SLCO1B1: variants seen among roughly 807,000 people sequenced by gnomAD.
SLCO1B1 encodes solute carrier organic anion transporter family member 1B1.
In SLCO1B1, 81 loss-of-function variants were observed where a neutral mutation model predicts 70.1. The ratio of observed to expected loss-of-function variants is 1.16; its 90% CI spans 0.97 to 1.39. SLCO1B1 has a LOEUF of 1.39. Among genes scored for constraint, SLCO1B1 ranks in the 40% most tolerant of loss-of-function variants. The probability of loss-of-function intolerance (pLI) is 0.00; values close to 1 mark genes in which losing one functional copy is unlikely to be tolerated. For missense variants in SLCO1B1, 895 were observed against 799.6 expected (o/e 1.12, Z -1.44); for synonymous variants, 283 against 271.5 (o/e 1.04, Z -0.42).
chr12:21,224,748 G>A lies in SLCO1B1; in HGVS notation c.1774G>A (p.Gly592Arg). 1 of 1,610,634 alleles carries A rather than the reference G, an allele frequency of 6.2e-7. No homozygotes were observed. The highest frequency in any genetic ancestry group is 8.5e-7 in the Non-Finnish European group (1 of 1,177,770). ...LGGILAPIYF[G>R]ALIDTTCIKW... Reference sequence around the variant, plus strand: ...AGGAATTCTAGCTCCAATATATTTTGGGGCTCTGATTGATACAACGTGTAT... The same window carrying A: ...AGGAATTCTAGCTCCAATATATTTTAGGGCTCTGATTGATACAACGTGTAT... Residue 592 changes from glycine to arginine, a missense_variant, in exon 14 of 15, where the codon GGG (glycine) becomes AGG (arginine). Gly to Arg is a moderately radical substitution (Grantham distance 125). Coordinates refer to ENST00000256958, the MANE Select transcript of SLCO1B1 (RefSeq NM_006446.5).
chr12:21,136,023 A>T (rs1264578363), intron 1 of SLCO1B1, among the ~76,000 whole-genome samples: 2 of 152,130 alleles, frequency 1.3e-5, no homozygotes, highest in Admixed American at 6.5e-5. Context: ...CTTTTAGGGC[A>T]GGCCTGGTGG....
chr12:21,231,057 G>A (rs1941531533), intron 14 of SLCO1B1, among the ~76,000 whole-genome samples: 1 of 144,328 alleles, frequency 6.9e-6, no homozygotes, highest in Non-Finnish European at 1.5e-5. Context: ...CCACCTATGA[G>A]TGAAAACATG....
intron 1 of SLCO1B1, among the ~76,000 whole-genome samples, chr12:21,137,694 G>A (rs1266178283): frequency 5.3e-5 from 8 of 152,196 alleles, no homozygotes; most frequent in African/African-American, 1.4e-4. Flanking sequence ...GAAAAGCACA[G>A]TATTAGGGTG....
intron 14 of SLCO1B1, among the ~76,000 whole-genome samples, chr12:21,233,383 A>G (rs1192769787): frequency 6.6e-6 from 1 of 152,156 alleles, no homozygotes; most frequent in Admixed American, 6.5e-5. Context: ...AAGGCCTTCC[A>G]AACCACGACT....
chr12:21,204,574 A>G (rs988914117), intron 10 of SLCO1B1, among the ~76,000 whole-genome samples: 10 of 151,824 alleles, frequency 6.6e-5, no homozygotes, highest in African/African-American at 2.4e-4. Context: ...TACAAATGGC[A>G]AAACTGATTT....
rs1164011351 is a variant in SLCO1B1 at position 21,202,610 on chromosome 12, T to G, written c.1255T>G (p.Leu419Val). ...KFSCFTAVMS[L>V]SFYLLYFFIL... Reference sequence around the variant, plus strand: ...CTCATGTTTTACTGCTGTGATGTCATTGTCCTTTTACCTATTATATTTTTT... The same window carrying G: ...CTCATGTTTTACTGCTGTGATGTCAGTGTCCTTTTACCTATTATATTTTTT... Residue 419 changes from leucine (L) to valine (V), a missense_variant, in exon 10 of 15, where the codon TTG becomes GTG. By Grantham distance (32) the Leu-to-Val change is conservative. Transcript: ENST00000256958. 2 of 1,612,972 alleles carry G rather than the reference T, an allele frequency of 1.2e-6. No homozygotes were observed. Among genetic ancestry groups the G allele is most frequent in the South Asian group, 1.1e-5 (1 of 91,058 alleles).
At chr12:21,205,808 C>T in intron 10 of SLCO1B1, 60 bp from the exon 11 acceptor site, 2 of 1,285,098 alleles carry the variant, frequency 1.6e-6, no homozygotes, top group Non-Finnish European at 2.2e-6. Context: ...TTCTCCTCCC[C>T]TTCTTTGTCT....
chr12:21,183,211 T>A (rs897489720), intron 7 of SLCO1B1, among the ~76,000 whole-genome samples: 8 of 150,302 alleles, frequency 5.3e-5, no homozygotes, highest in African/African-American at 2.0e-4. Flanking sequence ...TGCCTATATA[T>A]TTGAGACTGT....
At chr12:21,146,669 T>G (rs1390432468) in intron 2 of SLCO1B1, among the ~76,000 whole-genome samples, 1 of 152,124 alleles carries the variant, frequency 6.6e-6, no homozygotes, top group Non-Finnish European at 1.5e-5. Context: ...GTTTTAAAAT[T>G]TTTCTTCAGA....
intron 5 of SLCO1B1, among the ~76,000 whole-genome samples, chr12:21,177,944 A>G (rs1168220556): frequency 3.3e-5 from 5 of 152,170 alleles, no homozygotes; most frequent in African/African-American, 1.2e-4. Context: ...TAAATATATA[A>G]TGGATATAAT....
intron 1 of SLCO1B1, among the ~76,000 whole-genome samples, chr12:21,132,424 A>G (rs1250909908): frequency 1.3e-5 from 2 of 152,156 alleles, no homozygotes; most frequent in African/African-American, 4.8e-5. Flanking sequence ...GTCTTCCACA[A>G]TGGTTGAACT....
In SLCO1B1 at chr12:21,224,630, T is replaced by C. The variant is rs1012101715; in HGVS notation, c.1748-92T>C. Reference sequence around the variant, plus strand: ...AACGAATCCTCCAAATTTTTGAACTTTTATTTAATCAAAATATATCAATGT... The same window carrying C: ...AACGAATCCTCCAAATTTTTGAACTCTTATTTAATCAAAATATATCAATGT... On this transcript the variant is annotated intron_variant, in intron 13 of 14. Transcript: ENST00000256958. 4.7e-6 allele frequency: 4 copies of C among 848,496 alleles called. No homozygotes were observed. The African/African-American group carries it at 5.1e-5, about 11-fold the overall frequency. 52.6% of individuals were successfully genotyped at this position (848,496 alleles called of 1,614,324 possible).
intron 8 of SLCO1B1, 43 bp downstream of exon 8, chr12:21,197,231 C>G (rs368337794): frequency 3.7e-6 from 6 of 1,604,974 alleles, no homozygotes; most frequent in Non-Finnish European, 5.1e-6. Flanking sequence ...TTGTTAATCT[C>G]AATGAAAAGG....
In SLCO1B1 at chr12:21,181,594, G is replaced by A. The variant is rs77345807; in HGVS notation, c.727+2574G>A. On this transcript the variant is annotated intron_variant, in intron 7 of 14. Coordinates refer to ENST00000256958, the MANE Select transcript of SLCO1B1 (RefSeq NM_006446.5). Reference sequence around the variant, plus strand: ...ATTAGAGTAATGGCACCATTTAATCGTGCCACAAACTTCTGTGGTGTGTGT... The same window carrying A: ...ATTAGAGTAATGGCACCATTTAATCATGCCACAAACTTCTGTGGTGTGTGT... Among the ~76,000 whole-genome samples the A allele has an allele frequency of 7.4e-3, 1,128 of 152,160 alleles. 16 individuals carry two copies. Among genetic ancestry groups the A allele is most frequent in the African/African-American group, 0.025 (1,030 of 41,510 alleles).
chr12:21,216,510 C>G (rs1941359236), intron 11 of SLCO1B1, among the ~76,000 whole-genome samples: 1 of 152,148 alleles, frequency 6.6e-6, no homozygotes, highest in Non-Finnish European at 1.5e-5. Context: ...CACTTCTGTG[C>G]TCTAAACACT....
At chr12:21,227,681 A>G (rs1035070619) in intron 14 of SLCO1B1, among the ~76,000 whole-genome samples, 6 of 152,106 alleles carry the variant, frequency 3.9e-5, no homozygotes, top group Non-Finnish European at 8.8e-5. Flanking sequence ...TGAAATCATC[A>G]TGTATTTCCA....
chr12:21,227,709 C>A (rs1163050665), intron 14 of SLCO1B1, among the ~76,000 whole-genome samples: 1 of 151,984 alleles, frequency 6.6e-6, no homozygotes, highest in Non-Finnish European at 1.5e-5. Context: ...TGGCAAGATG[C>A]TCCTCAGAAT....
At chr12:21,219,270 G>A (rs1249315470) in intron 12 of SLCO1B1, among the ~76,000 whole-genome samples, 1 of 152,174 alleles carries the variant, frequency 6.6e-6, no homozygotes, top group Non-Finnish European at 1.5e-5. Context: ...GAAGTCCTTT[G>A]AGTAAAGACC....
chr12:21,144,773 A>G (rs1238416329), intron 2 of SLCO1B1, among the ~76,000 whole-genome samples: 1 of 152,192 alleles, frequency 6.6e-6, no homozygotes, highest in Non-Finnish European at 1.5e-5. Context: ...CCATCCTTAA[A>G]GAAAAGAAAT....
Sources: gnomAD v4.1 joint callset for allele counts (sites outside exome capture counted in the v4.1 genomes callset) on GRCh38, gnomAD v4.1.1 for gene constraint, MANE v1.5 for transcripts, NCBI Gene and HGNC (gene_info 2026-07-23, HGNC 2026-07-21) for gene names.